Variants in TENM2 observed in about 807,000 individuals in gnomAD.
The protein encoded by TENM2 is teneurin transmembrane protein 2.
Under a neutral mutation model 245.2 loss-of-function variants are expected in TENM2, and 52 were observed. The observed-to-expected ratio is 0.21, with a 90% CI of 0.17 to 0.27. TENM2 has a LOEUF of 0.27. Ranked by LOEUF, TENM2 falls within the 10% of genes least tolerant of loss-of-function variation. The pLI is 1.00. For synonymous variants in TENM2, 1,363 were observed against 1,438.9 expected, an observed-to-expected ratio of 0.95 and a Z score of 1.19; for missense variants, 3,046 against 3,666.8, an observed-to-expected ratio of 0.83 and a Z score of 4.37.
At chr5:167,197,061 T>C in the TENM2 span, among the ~76,000 whole-genome samples, 71 of 152,136 alleles carry the variant, frequency 4.7e-4, no homozygotes, top group Non-Finnish European at 8.2e-4. Flanking sequence ...TTCAGCTAGA[T>C]CCAACCTGGA....
intron 23 of TENM2, among the ~76,000 whole-genome samples, chr5:168,223,981 G>A (rs566532632): frequency 9.2e-5 from 14 of 151,886 alleles, no homozygotes; most frequent in South Asian, 4.1e-4. Context: ...CACTCAACAC[G>A]TGTAGATTTG....
chr5:168,021,497 C>G (rs758359382), intron 5 of TENM2, among the ~76,000 whole-genome samples: 1 of 152,188 alleles, frequency 6.6e-6, no homozygotes, highest in Non-Finnish European at 1.5e-5. Flanking sequence ...CCTTTCCTTG[C>G]GTGTTTGGAG....
the TENM2 span, among the ~76,000 whole-genome samples, chr5:167,000,050 A>T: frequency 6.6e-6 from 1 of 152,208 alleles, no homozygotes; most frequent in Non-Finnish European, 1.5e-5. Context: ...GGACGCTGTG[A>T]TTGTGTTAGA....
At chr5:167,141,563 T>C in the TENM2 span, among the ~76,000 whole-genome samples, 1 of 152,196 alleles carries the variant, frequency 6.6e-6, no homozygotes, top group African/African-American at 2.4e-5. Context: ...ATAGATTGTT[T>C]AAATAACCAT....
At chr5:167,833,412 C>T (rs1768687810) in intron 2 of TENM2, among the ~76,000 whole-genome samples, 2 of 152,270 alleles carry the variant, frequency 1.3e-5, no homozygotes, top group Admixed American at 1.3e-4. Flanking sequence ...AAAATATCCT[C>T]AATCTTCCAG....
chr5:166,988,467 A>G, the TENM2 span, among the ~76,000 whole-genome samples: 16 of 152,348 alleles, frequency 1.1e-4, no homozygotes, highest in Admixed American at 2.0e-4. Flanking sequence ...ACCACTCACC[A>G]AATTGCAGAT....
chr5:167,344,303 C>CAT (rs1275972367), intron 1 of TENM2, among the ~76,000 whole-genome samples: 1 of 113,258 alleles, frequency 8.8e-6, no homozygotes, highest in East Asian at 2.7e-4. Flanking sequence ...CACACACACA[C>CAT]ACACACATAT....
intron 5 of TENM2, among the ~76,000 whole-genome samples, chr5:168,027,996 G>C (rs6882264): frequency 0.15 from 22,619 of 152,182 alleles, 1,809 homozygotes; most frequent in East Asian, 0.27. Context: ...AGCAAGTTTA[G>C]TGAGGATTTA....
At chr5:167,898,994 G>C (rs149300860) in intron 3 of TENM2, among the ~76,000 whole-genome samples, 3 of 152,184 alleles carry the variant, frequency 2.0e-5, no homozygotes, top group African/African-American at 7.2e-5. Context: ...TCAGGGAAGA[G>C]AGGCAAGAGG....
intron 2 of TENM2, among the ~76,000 whole-genome samples, chr5:167,390,747 A>T (rs775601736): frequency 1.3e-5 from 2 of 152,176 alleles, no homozygotes; most frequent in Non-Finnish European, 2.9e-5. Context: ...AATGGAAAAG[A>T]CCCCAGTGAA....
intron 2 of TENM2, among the ~76,000 whole-genome samples, chr5:167,852,272 G>C (rs1403923773): frequency 6.6e-6 from 1 of 152,180 alleles, no homozygotes; most frequent in East Asian, 1.9e-4. Flanking sequence ...ATCGATTATT[G>C]TTTTTCAGCT....
At chr5:167,750,993 G>C (rs762214200) in intron 2 of TENM2, among the ~76,000 whole-genome samples, 2 of 152,178 alleles carry the variant, frequency 1.3e-5, no homozygotes, top group Non-Finnish European at 2.9e-5. Context: ...ATCAGGAAAG[G>C]CTTCCTTAAA....
intron 12 of TENM2, among the ~76,000 whole-genome samples, chr5:168,151,288 G>A (rs932113014): frequency 2.0e-5 from 3 of 152,032 alleles, no homozygotes; most frequent in Non-Finnish European, 2.9e-5. Context: ...TTTCATTTAC[G>A]TCTTTGGAGG....
chr5:167,355,431 G>C (rs1759246623), intron 1 of TENM2, among the ~76,000 whole-genome samples: 1 of 152,176 alleles, frequency 6.6e-6, no homozygotes, highest in African/African-American at 2.4e-5. Context: ...TTCTGAGAGA[G>C]AGGAAGTTGA....
rs115683463 is a variant in TENM2, at chr5:167,574,832, G to A, written c.502+199359G>A. 5.4e-3 allele frequency among the ~76,000 whole-genome samples: 818 copies of A among 152,206 alleles called. 5 individuals carry two copies. The highest frequency in any genetic ancestry group is 0.019 in the African/African-American group (778 of 41,522). ...GAATACATATGGATTTTCATTGTAC[G>A]TAGCTTTTAGAAATATGTCCCTTTT... On this transcript the variant is annotated intron_variant, in intron 2 of 28. Transcript: ENST00000518659.
At chr5:168,088,968 T>C (rs1792695763) in intron 7 of TENM2, among the ~76,000 whole-genome samples, 1 of 152,146 alleles carries the variant, frequency 6.6e-6, no homozygotes, top group South Asian at 2.1e-4. Context: ...AGTGGAGAGA[T>C]TGCTTAATCC....
chr5:167,819,288 T>C lies in TENM2; in HGVS notation c.503-56698T>C, dbSNP rs534324511. On this transcript the variant is annotated intron_variant, in intron 2 of 28. Transcript: ENST00000518659. The stretch of plus-strand genomic sequence containing the variant: ...TCAGACAGCGCTTTTCCTCCCAAGA[T>C]ATCTAAGTTGGGTTGGACAAAGTCA... Among the ~76,000 whole-genome samples, 7 of 152,236 alleles carry C rather than the reference T, an allele frequency of 4.6e-5. No homozygotes were observed. The South Asian group carries it at 1.5e-3, about 32-fold the overall frequency.
rs1345295257 is a variant in TENM2 at position 168,144,528 on chromosome 5, G to A, written c.2422+17562G>A. Among the ~76,000 whole-genome samples, 3 of 151,828 alleles carry A rather than the reference G, an allele frequency of 2.0e-5. No homozygotes were observed. In the East Asian group the frequency reaches 5.8e-4, roughly 29 times the overall value. Reference sequence around the variant, plus strand: ...CATGAACTCATCATTTTTTATGGCTGCATAGTATTCCATGGTGTATATGTG... The same window carrying A: ...CATGAACTCATCATTTTTTATGGCTACATAGTATTCCATGGTGTATATGTG... On this transcript the variant is annotated intron_variant, in intron 12 of 28. Coordinates refer to ENST00000518659, the Ensembl canonical transcript of TENM2.
chr5:167,632,478 A>G (rs1189296121), intron 2 of TENM2, among the ~76,000 whole-genome samples: 6 of 152,358 alleles, frequency 3.9e-5, no homozygotes, highest in Non-Finnish European at 7.4e-5. Context: ...TCTTTAATAC[A>G]TATTTCTAAG....
Sources: allele counts gnomAD v4.1 joint callset (sites outside exome capture counted in the v4.1 genomes callset), GRCh38; gene constraint gnomAD v4.1.1; transcripts MANE v1.5; gene names NCBI Gene and HGNC (gene_info 2026-07-23, HGNC 2026-07-21).